PTPRN2: variants seen among roughly 807,000 people sequenced by gnomAD.
The protein encoded by PTPRN2 is protein tyrosine phosphatase receptor type N2.
Under a neutral mutation model 118.8 loss-of-function variants are expected in PTPRN2, and 74 were observed. That is an observed-to-expected ratio of 0.62 (90% CI 0.52 to 0.76). The LOEUF (loss-of-function observed/expected upper bound fraction) is 0.76, where lower values mean the gene tolerates loss of function less well. Among genes scored for constraint, PTPRN2 ranks in the 30% least tolerant of loss-of-function variants. The pLI is 0.00. For synonymous variants in PTPRN2, 641 were observed against 608.0 expected (o/e 1.05, Z -0.80); for missense variants, 1,481 against 1,394.4 (o/e 1.06, Z -0.99).
chr7:157,658,508 C>T (rs1374391039), intron 13 of PTPRN2, among the ~76,000 whole-genome samples: 1 of 152,232 alleles, frequency 6.6e-6, no homozygotes, highest in Non-Finnish European at 1.5e-5. Context: ...CTCAACCACA[C>T]ACGCGGTGGG....
At chr7:158,414,186 G>A (rs1814444599) in intron 2 of PTPRN2, among the ~76,000 whole-genome samples, 1 of 151,936 alleles carries the variant, frequency 6.6e-6, no homozygotes. Context: ...AGAGCGTAGG[G>A]AATCAGGTGC....
chr7:158,419,594 C>T (rs1287746501), intron 2 of PTPRN2, among the ~76,000 whole-genome samples: 2 of 152,176 alleles, frequency 1.3e-5, no homozygotes, highest in Admixed American at 1.3e-4. Flanking sequence ...TCACACAGCC[C>T]TCCTTCCATG....
At chr7:158,098,261 T>G (rs1814816193) in intron 10 of PTPRN2, among the ~76,000 whole-genome samples, 1 of 152,118 alleles carries the variant, frequency 6.6e-6, no homozygotes, top group Non-Finnish European at 1.5e-5. Context: ...AGCTCCGCAA[T>G]GTGGGCAGGG....
At chr7:158,502,539 C>A (rs143141496) in intron 1 of PTPRN2, among the ~76,000 whole-genome samples, 1 of 152,174 alleles carries the variant, frequency 6.6e-6, no homozygotes, top group Non-Finnish European at 1.5e-5. Context: ...CCCTGCTCCT[C>A]GGGACGCCTT....
At chr7:158,140,097 TCTTA>T (rs1479016944) in intron 6 of PTPRN2, among the ~76,000 whole-genome samples, 4 of 152,148 alleles carry the variant, frequency 2.6e-5, no homozygotes, top group East Asian at 1.9e-4. Context: ...TCTTTTCTCC[TCTTA>T]CTTTATCTAA....
chr7:158,151,103 T>G lies in PTPRN2; in HGVS notation c.911-12588A>C, dbSNP rs368154063. On this transcript the variant is annotated intron_variant, in intron 6 of 22. Transcript: ENST00000389418. Reference sequence around the variant, plus strand: ...CCCCTGCCTGCCCAAACCGCCCGCCTTTCTGCTCCTACCCCTGCCCACACC... The same window carrying G: ...CCCCTGCCTGCCCAAACCGCCCGCCGTTCTGCTCCTACCCCTGCCCACACC... 1.5e-3 allele frequency among the ~76,000 whole-genome samples: 69 copies of G among 47,056 alleles called. 3 individuals carry two copies. Among genetic ancestry groups the G allele is most frequent in the Non-Finnish European group, 2.0e-3 (50 of 24,540 alleles). The allele number at this position is 47,056 out of a possible 152,430, so 30.9% of individuals were successfully genotyped here.
At chr7:157,989,890 C>T (rs1001385585) in intron 11 of PTPRN2, among the ~76,000 whole-genome samples, 1 of 152,272 alleles carries the variant, frequency 6.6e-6, no homozygotes, top group Admixed American at 6.5e-5. Context: ...CCCCCGCATC[C>T]CACCCCGCCC....
At chr7:157,860,291 G>T (rs1407140183) in intron 12 of PTPRN2, among the ~76,000 whole-genome samples, 2 of 152,184 alleles carry the variant, frequency 1.3e-5, no homozygotes, top group African/African-American at 4.8e-5. Flanking sequence ...CCTGAGGGTG[G>T]TGCCCAAGCC....
intron 3 of PTPRN2, among the ~76,000 whole-genome samples, chr7:158,238,532 A>G (rs1795701434): frequency 6.6e-6 from 1 of 152,128 alleles, no homozygotes; most frequent in Non-Finnish European, 1.5e-5. Flanking sequence ...CACCCAAAAC[A>G]TCATGTTTGT....
chr7:158,340,337 T>C (rs1242307760), intron 2 of PTPRN2, among the ~76,000 whole-genome samples: 2 of 97,380 alleles, frequency 2.1e-5, no homozygotes, highest in Non-Finnish European at 2.2e-5. Context: ...ACACCCACAC[T>C]GTCACCATAA....
chr7:158,132,977 A>T (rs1180427214), intron 9 of PTPRN2, among the ~76,000 whole-genome samples: 2 of 152,212 alleles, frequency 1.3e-5, no homozygotes, highest in Non-Finnish European at 2.9e-5. Context: ...CACTTGTACA[A>T]AGCAAAGCAT....
At chr7:157,943,861 G>T (rs940062961) in intron 11 of PTPRN2, among the ~76,000 whole-genome samples, 3 of 152,184 alleles carry the variant, frequency 2.0e-5, no homozygotes, top group Non-Finnish European at 4.4e-5. Context: ...GGCCGCAGGT[G>T]TCTAAGGGTC....
At chr7:158,340,424 C>A (rs1563174102) in intron 2 of PTPRN2, among the ~76,000 whole-genome samples, 1 of 76,754 alleles carries the variant, frequency 1.3e-5, no homozygotes, top group African/African-American at 4.4e-5. Context: ...CACTCACACA[C>A]ACACTCTCAC....
intron 10 of PTPRN2, among the ~76,000 whole-genome samples, chr7:158,097,751 T>C (rs1563430608): frequency 6.6e-6 from 1 of 152,220 alleles, no homozygotes. Flanking sequence ...TTACATCACA[T>C]GCTAATGCAG....
In PTPRN2 at chr7:158,331,676, C is replaced by A. The variant is rs1264961510; in HGVS notation, c.164-14744G>T. On this transcript the variant is annotated intron_variant, in intron 2 of 22. Transcript: ENST00000389418. ...GACGTCACTCACGCCGACACTCTCA[C>A]CATAAGAGGTGACACTTGCAGACGT... Among the ~76,000 whole-genome samples the A allele has an allele frequency of 4.0e-5, 6 of 150,062 alleles. No individual in the cohort carries two copies. In the East Asian group the frequency reaches 7.8e-4, roughly 19 times the overall value.
rs1214994090 is a variant in PTPRN2, at chr7:158,574,086, G to A, written c.112+13472C>T. On this transcript the variant is annotated intron_variant, in intron 1 of 22. Coordinates refer to ENST00000389418, the MANE Select transcript of PTPRN2 (RefSeq NM_002847.5). The surrounding 1 kb of genome is among the most constrained non-coding windows in gnomAD (Gnocchi z 4.6). ...GCATCACAGTTAGACCCACAAGAAG[G>A]CAACCAGAAAGATTAAAAATCATCG... 6.6e-6 allele frequency among the ~76,000 whole-genome samples: 1 copy of A among 152,132 alleles called. No individual in the cohort carries two copies. Among genetic ancestry groups the A allele is most frequent in the Non-Finnish European group, 1.5e-5 (1 of 68,030 alleles).
At chr7:158,151,776 C>T (rs924731342) in intron 6 of PTPRN2, among the ~76,000 whole-genome samples, 3 of 152,208 alleles carry the variant, frequency 2.0e-5, no homozygotes, top group African/African-American at 7.2e-5. Flanking sequence ...CTGCACATCT[C>T]CTTTGCACCA....
intron 2 of PTPRN2, among the ~76,000 whole-genome samples, chr7:158,415,492 A>C (rs1018010306): frequency 6.6e-5 from 10 of 152,138 alleles, no homozygotes; most frequent in Admixed American, 6.5e-4. Flanking sequence ...CCTCCACCAG[A>C]TTCAGATGTC....
At chr7:158,270,459 G>A (rs896528224) in intron 3 of PTPRN2, among the ~76,000 whole-genome samples, 3 of 152,086 alleles carry the variant, frequency 2.0e-5, no homozygotes, top group African/African-American at 4.8e-5. Context: ...TGATCCTACC[G>A]GAGACAGATG....
Sources: allele counts gnomAD v4.1 joint callset (sites outside exome capture counted in the v4.1 genomes callset), GRCh38; gene constraint gnomAD v4.1.1; non-coding constraint Gnocchi (gnomAD v3.1); transcripts MANE v1.5; gene names NCBI Gene and HGNC (gene_info 2026-07-23, HGNC 2026-07-21).